The following IL1RAPL1 variants were observed in gnomAD, a reference collection of about 807,000 sequenced individuals.
IL1RAPL1 encodes interleukin 1 receptor accessory protein like 1.
A neutral mutation model predicts 48.4 loss-of-function variants in IL1RAPL1; 3 were observed. The ratio of observed to expected loss-of-function variants is 0.06; its 90% CI spans 0.03 to 0.16. The LOEUF (loss-of-function observed/expected upper bound fraction) is 0.16. Among genes scored for constraint, IL1RAPL1 ranks in the 10% least tolerant of loss-of-function variants. The probability of loss-of-function intolerance (pLI) is 1.00; values close to 1 mark genes in which losing one functional copy is unlikely to be tolerated. For synonymous variants in IL1RAPL1, 185 were observed against 187.7 expected (o/e 0.99, Z 0.12); for missense variants, 349 against 530.6 (o/e 0.66, Z 3.36).
At chrX:28,681,542 A>G (rs937358067) in intron 1 of IL1RAPL1, among the ~76,000 whole-genome samples, 6 of 111,500 alleles carry the variant, frequency 5.4e-5, no homozygotes, top group African/African-American at 2.0e-4. Context: ...AAAGGGTACA[A>G]TGTTTTAATT....
At chrX:29,087,899 G>A (rs1194698145) in intron 2 of IL1RAPL1, among the ~76,000 whole-genome samples, 2 of 111,601 alleles carry the variant, frequency 1.8e-5, no homozygotes, top group African/African-American at 6.5e-5. Context: ...AGGCATGGTA[G>A]CATGTGCCTG....
At chrX:29,710,668 A>T (rs1234791750) in intron 6 of IL1RAPL1, among the ~76,000 whole-genome samples, 3 of 106,062 alleles carry the variant, frequency 2.8e-5, no homozygotes, top group African/African-American at 1.0e-4. Flanking sequence ...TGAATAGTTT[A>T]TCTTTTCTTC....
At chrX:28,705,389 T>C (rs1335102153) in intron 1 of IL1RAPL1, among the ~76,000 whole-genome samples, 1 of 111,779 alleles carries the variant, frequency 8.9e-6, no homozygotes, top group African/African-American at 3.2e-5. Flanking sequence ...TGTTCATAAA[T>C]CCCCTTCAAA....
At chrX:29,426,380 C>G (rs774580133) in intron 5 of IL1RAPL1, among the ~76,000 whole-genome samples, 1 of 111,543 alleles carries the variant, frequency 9.0e-6, no homozygotes, top group South Asian at 3.7e-4. Context: ...ACAAACGAAC[C>G]AATTACAGTT....
chrX:28,877,417 C>T (rs902760820), intron 2 of IL1RAPL1, among the ~76,000 whole-genome samples: 1 of 111,982 alleles, frequency 8.9e-6, no homozygotes, highest in Non-Finnish European at 1.9e-5. Context: ...ATTTTGCAAT[C>T]CTGCCAGTCT....
chrX:28,869,060 T>C (rs887908673), intron 2 of IL1RAPL1, among the ~76,000 whole-genome samples: 3 of 112,896 alleles, frequency 2.7e-5, no homozygotes, highest in African/African-American at 9.6e-5. Context: ...AATTTATTAA[T>C]TTATGCATGC....
At chrX:29,599,169 T>C (rs779998785) in intron 5 of IL1RAPL1, among the ~76,000 whole-genome samples, 1 of 112,277 alleles carries the variant, frequency 8.9e-6, no homozygotes, top group South Asian at 3.7e-4. Flanking sequence ...GGAGGATTTG[T>C]TTCAAGATTC....
At chrX:28,982,914 G>C (rs1171544328) in intron 2 of IL1RAPL1, 1 of 111,441 alleles carries the variant, frequency 9.0e-6, no homozygotes, top group African/African-American at 3.3e-5. Flanking sequence ...GCCCAACCCT[G>C]CTTAGCTTCT....
intron 2 of IL1RAPL1, among the ~76,000 whole-genome samples, chrX:28,900,143 G>T (rs1463084046): frequency 1.8e-5 from 2 of 112,130 alleles, no homozygotes; most frequent in Admixed American, 1.9e-4. Flanking sequence ...TCATGGGTAA[G>T]GTACTGAGCC....
intron 6 of IL1RAPL1, among the ~76,000 whole-genome samples, chrX:29,841,689 A>G (rs1931139552): frequency 9.0e-6 from 1 of 111,602 alleles, no homozygotes; most frequent in Admixed American, 9.6e-5. Flanking sequence ...CTATACAAGC[A>G]GTATGAATTG....
chrX:29,477,901 C>A lies in IL1RAPL1; in HGVS notation c.703+78593C>A. On this transcript the variant is annotated intron_variant, in intron 5 of 10. Transcript: ENST00000378993. ...TGAATTTAATAGAAAAATATCTATG[C>A]AAAATACATAAAGACTTGCAGCAAA... 2.7e-5 allele frequency among the ~76,000 whole-genome samples: 3 copies of A among 111,910 alleles called. 1 individual carries two copies. The Middle Eastern group carries it at 0.014, about 511-fold the overall frequency.
intron 2 of IL1RAPL1, among the ~76,000 whole-genome samples, chrX:29,078,860 T>G (rs1427879374): frequency 1.8e-5 from 2 of 112,173 alleles, no homozygotes; most frequent in Non-Finnish European, 3.8e-5. Context: ...CTCAGTAGTT[T>G]AACAGCTCCT....
At chrX:29,618,609 CTT>C (rs1924365622) in intron 5 of IL1RAPL1, among the ~76,000 whole-genome samples, 1 of 111,962 alleles carries the variant, frequency 8.9e-6, no homozygotes, top group Non-Finnish European at 1.9e-5. Context: ...GTCCCAATGA[CTT>C]TTGTCTCTGT....
intron 2 of IL1RAPL1, among the ~76,000 whole-genome samples, chrX:28,818,681 A>G (rs1238017552): frequency 1.8e-5 from 2 of 110,605 alleles, no homozygotes; most frequent in Non-Finnish European, 1.9e-5. Context: ...CTTGATTCTA[A>G]TAAATTCTGT....
chrX:28,594,580 A>G (rs897123597), intron 1 of IL1RAPL1, among the ~76,000 whole-genome samples: 1 of 111,615 alleles, frequency 9.0e-6, no homozygotes, highest in African/African-American at 3.2e-5. Flanking sequence ...AGATCTTACA[A>G]TTTGTTGGCT....
At chrX:29,830,661 C>T (rs1457033109) in intron 6 of IL1RAPL1, among the ~76,000 whole-genome samples, 1 of 110,463 alleles carries the variant, frequency 9.1e-6, no homozygotes, top group African/African-American at 3.3e-5. Flanking sequence ...CCATGTTGGC[C>T]AGCCTTGTCT....
At chrX:28,704,826 ACACAC>A (rs1194347132) in intron 1 of IL1RAPL1, among the ~76,000 whole-genome samples, 2 of 60,787 alleles carry the variant, frequency 3.3e-5, no homozygotes, top group African/African-American at 6.0e-5. Flanking sequence ...ACACACACAC[ACACAC>A]AAAAAAAAAA....
At chrX:29,943,222 CT>C (rs1327176448) in intron 9 of IL1RAPL1, among the ~76,000 whole-genome samples, 1 of 111,648 alleles carries the variant, frequency 9.0e-6, no homozygotes, top group Non-Finnish European at 1.9e-5. Flanking sequence ...ACTTTCTTGC[CT>C]ATTGATGCAA....
chrX:29,943,009 C>T (rs1933157071), intron 9 of IL1RAPL1, among the ~76,000 whole-genome samples: 2 of 110,326 alleles, frequency 1.8e-5, no homozygotes, highest in Admixed American at 9.7e-5. Context: ...GCCTATGTTG[C>T]CACGTTTCCA....
Sources: allele counts gnomAD v4.1 joint callset (sites outside exome capture counted in the v4.1 genomes callset), GRCh38; gene constraint gnomAD v4.1.1; transcripts MANE v1.5; gene names NCBI Gene and HGNC (gene_info 2026-07-23, HGNC 2026-07-21).